The following ACTR3 variants were observed in gnomAD, a reference collection of about 807,000 sequenced individuals.
The protein encoded by ACTR3 is actin-related protein 3.
In ACTR3, 12 loss-of-function variants were observed where a neutral mutation model predicts 56.8. The observed-to-expected ratio is 0.21, with a 90% confidence interval of 0.14 to 0.34. The LOEUF (loss-of-function observed/expected upper bound fraction) is 0.34. Among genes scored for constraint, ACTR3 ranks in the 10% least tolerant of loss-of-function variants. The pLI is 1.00. For synonymous variants in ACTR3, 162 were observed against 167.4 expected, an observed-to-expected ratio of 0.97 and a Z score of 0.25; for missense variants, 282 against 512.5, an observed-to-expected ratio of 0.55 and a Z score of 4.34.
intron 1 of ACTR3, among the ~76,000 whole-genome samples, chr2:113,891,684 CTCTT>C (rs1306103665): frequency 1.3e-5 from 2 of 151,432 alleles, no homozygotes; most frequent in Non-Finnish European, 2.9e-5. Context: ...GTGTCCTTCA[CTCTT>C]TATGTGAAAT....
chr2:113,922,246 T>C (rs1679525039), intron 3 of ACTR3, among the ~76,000 whole-genome samples: 1 of 152,108 alleles, frequency 6.6e-6, no homozygotes, highest in Admixed American at 6.6e-5. Flanking sequence ...CATGTCTGAA[T>C]GCTAATATGA....
chr2:113,939,301 C>T (rs1679884175), intron 6 of ACTR3, among the ~76,000 whole-genome samples: 1 of 152,140 alleles, frequency 6.6e-6, no homozygotes, highest in African/African-American at 2.4e-5. Flanking sequence ...GGATTACAGG[C>T]GTGAGCCACC....
rs71416568 is a variant in ACTR3 at position 113,911,957 on chromosome 2, G to A, written c.45-1215G>A. On this transcript the variant is annotated intron_variant, in intron 1 of 11. Transcript: ENST00000263238. Reference sequence around the variant, plus strand: ...TCACCATGTTGGTTAGGCTGGTCTCGAACTCCTGTCCTGGTCCCGTAATCC... The same window carrying A: ...TCACCATGTTGGTTAGGCTGGTCTCAAACTCCTGTCCTGGTCCCGTAATCC... Among the ~76,000 whole-genome samples the A allele has an allele frequency of 5.0e-3, 757 of 152,098 alleles. 4 individuals are homozygous for A. Among genetic ancestry groups the A allele is most frequent in the Non-Finnish European group, 7.2e-3 (488 of 67,982 alleles).
At chr2:113,945,902 T>G (rs1680011909) in intron 8 of ACTR3, among the ~76,000 whole-genome samples, 1 of 152,218 alleles carries the variant, frequency 6.6e-6, no homozygotes, top group African/African-American at 2.4e-5. Flanking sequence ...GTAATTGGTT[T>G]TCTGTTCTTG....
Position 113,962,568 on chromosome 2 carries a change from A to G in ACTR3, c.*5113A>G, listed in dbSNP as rs1335066854. On this transcript the variant is annotated 3_prime_UTR_variant, in exon 12 of 12. Transcript: ENST00000263238. ...GTCGATATCGGAATTGGAACCACAC[A>G]TCTTTTTCTTATTGTGGGTACATGG... 2.0e-5 allele frequency: 3 copies of G among 152,062 alleles called. No individual in the cohort carries two copies. Among genetic ancestry groups the G allele is most frequent in the Non-Finnish European group, 2.9e-5 (2 of 67,934 alleles). The allele number at this position is 152,062 out of a possible 1,614,324, so 9.4% of individuals were successfully genotyped here.
rs1460290599 is a variant in ACTR3 at position 113,962,395 on chromosome 2, G to A, written c.*4940G>A. ...GAAACAGGCCTCATTTCTCCCTCTG[G>A]CTTTTATTGATCAATTTTGATATTG... On this transcript the variant is annotated 3_prime_UTR_variant, in exon 12 of 12. Coordinates refer to ENST00000263238, the MANE Select transcript of ACTR3 (RefSeq NM_005721.5). 1 of 151,860 alleles carries A rather than the reference G, an allele frequency of 6.6e-6. No homozygotes were observed. The highest frequency in any genetic ancestry group is 1.5e-5 in the Non-Finnish European group (1 of 67,894). The allele number at this position is 151,860 out of a possible 1,614,324, so 9.4% of individuals were successfully genotyped here.
chr2:113,916,863 C>A (rs745709216), intron 2 of ACTR3, 21 bp from the exon 3 acceptor site: 4 of 1,568,976 alleles, frequency 2.5e-6, no homozygotes, highest in Admixed American at 3.8e-5. Flanking sequence ...AATTCTTTGA[C>A]ATGTCTAACT....
intron 1 of ACTR3, among the ~76,000 whole-genome samples, chr2:113,905,479 A>AT (rs1290051119): frequency 8.3e-5 from 12 of 145,444 alleles, no homozygotes; most frequent in East Asian, 2.0e-4. Context: ...AAAAAAAAAA[A>AT]TTTTTTTTTT....
chr2:113,925,335 ATAG>A (rs1679598121), intron 3 of ACTR3, among the ~76,000 whole-genome samples: 1 of 150,720 alleles, frequency 6.6e-6, no homozygotes. Context: ...AGCTGGGATT[ATAG>A]GCATGCACCA....
intron 1 of ACTR3, among the ~76,000 whole-genome samples, chr2:113,893,019 C>T (rs1003759046): frequency 6.6e-6 from 1 of 150,430 alleles, no homozygotes; most frequent in Non-Finnish European, 1.5e-5. Flanking sequence ...GCTTCATTCA[C>T]ATTGATACCC....
chr2:113,957,426 C>T lies in ACTR3; in HGVS notation c.1228C>T (p.His410Tyr). 1 of 1,613,312 alleles carries T rather than the reference C, an allele frequency of 6.2e-7. No homozygotes were observed. Among genetic ancestry groups the T allele is most frequent in the Non-Finnish European group, 8.5e-7 (1 of 1,179,540 alleles). ...AGAAATTGGACCTAGCATTTGTCGT[C>T]ACAATCCAGTGTTTGGAGTCATGTC... Reference protein sequence around the residue: ...YEEIGPSICRHNPVFGVMS With the variant: ...YEEIGPSICRYNPVFGVMS The change falls in exon 12 of 12, where the codon CAC (histidine) becomes TAC (tyrosine). Residue 410 changes from histidine (H) to tyrosine (Y), a missense_variant. His to Tyr is a moderately conservative substitution (Grantham distance 83). Coordinates refer to ENST00000263238, the MANE Select transcript of ACTR3 (RefSeq NM_005721.5).
At chr2:113,947,998 A>G (rs947479825) in intron 8 of ACTR3, among the ~76,000 whole-genome samples, 8 of 152,096 alleles carry the variant, frequency 5.3e-5, no homozygotes, top group Admixed American at 5.2e-4. Flanking sequence ...TGGTCTGCGT[A>G]TCCTAACAAA....
In ACTR3 at chr2:113,890,154, A is replaced by G. The variant is rs1678855531; in HGVS notation, c.-126A>G. 1 of 1,265,246 alleles carries G rather than the reference A, an allele frequency of 7.9e-7. No individual in the cohort carries two copies. The highest frequency in any genetic ancestry group is 1.3e-5 in the South Asian group (1 of 77,972). 78.4% of individuals were successfully genotyped at this position (1,265,246 alleles called of 1,614,324 possible). Reference sequence around the variant, plus strand: ...TTGCTACTGCTTCGGCTTCCCGGCTACCCCCCGGACGGTGAAGGCGGCCCA... The same window carrying G: ...TTGCTACTGCTTCGGCTTCCCGGCTGCCCCCCGGACGGTGAAGGCGGCCCA... On this transcript the variant is annotated 5_prime_UTR_variant, in exon 1 of 12. Coordinates refer to ENST00000263238, the MANE Select transcript of ACTR3 (RefSeq NM_005721.5).
At chr2:113,907,961 C>CA (rs1444275567) in intron 1 of ACTR3, among the ~76,000 whole-genome samples, 2 of 94,580 alleles carry the variant, frequency 2.1e-5, no homozygotes, top group Non-Finnish European at 3.8e-5. Context: ...GCAACAAGAG[C>CA]AAAACTCTGT....
intron 1 of ACTR3, among the ~76,000 whole-genome samples, chr2:113,907,826 G>T (rs756514423): frequency 2.0e-5 from 3 of 151,578 alleles, no homozygotes; most frequent in African/African-American, 4.9e-5. Flanking sequence ...TACAAAATTG[G>T]CCAGGCATGG....
intron 8 of ACTR3, among the ~76,000 whole-genome samples, chr2:113,949,652 C>T (rs902661335): frequency 6.6e-6 from 1 of 152,036 alleles, no homozygotes; most frequent in African/African-American, 2.4e-5. Context: ...ACCTCGAATT[C>T]CTAGGGTCAA....
intron 1 of ACTR3, among the ~76,000 whole-genome samples, chr2:113,894,394 A>T (rs979818145): frequency 6.6e-6 from 1 of 152,198 alleles, no homozygotes; most frequent in Non-Finnish European, 1.5e-5. Flanking sequence ...CACCGGCTTA[A>T]TAATGCTATT....
chr2:113,913,908 C>T (rs575392680), intron 2 of ACTR3, among the ~76,000 whole-genome samples: 1 of 152,290 alleles, frequency 6.6e-6, no homozygotes, highest in South Asian at 2.1e-4. Context: ...TTTTGACTTG[C>T]AAACAGTTCA....
rs1486856076 is a variant in ACTR3, at chr2:113,899,035, A to G, written c.44+8712A>G. On this transcript the variant is annotated intron_variant, in intron 1 of 11. Coordinates refer to ENST00000263238, the MANE Select transcript of ACTR3 (RefSeq NM_005721.5). ...TCCAGTTTTTAAGAGTGTCCATTTT[A>G]TACATACTTAAACCCAAAGCTACTA... is the stretch of plus-strand genomic sequence containing the variant. Among the ~76,000 whole-genome samples, 3 of 152,310 alleles carry G rather than the reference A, an allele frequency of 2.0e-5. No homozygotes were observed. The East Asian group carries it at 5.8e-4, about 29-fold the overall frequency.
Sources: gnomAD v4.1 joint callset for allele counts (sites outside exome capture counted in the v4.1 genomes callset) on GRCh38, gnomAD v4.1.1 for gene constraint, MANE v1.5 for transcripts, NCBI Gene and HGNC (gene_info 2026-07-23, HGNC 2026-07-21) for gene names.